The following PSD3 variants were observed in gnomAD, a reference collection of about 807,000 sequenced individuals.
PSD3 encodes PH and SEC7 domain-containing protein 3.
Under a neutral mutation model 105.5 loss-of-function variants are expected in PSD3, and 49 were observed. The observed-to-expected ratio is 0.46, with a 90% CI of 0.37 to 0.59. The LOEUF is 0.59. Among genes scored for constraint, PSD3 ranks in the 20% least tolerant of loss-of-function variants. The pLI, the probability that PSD3 is intolerant of heterozygous loss-of-function variation, is 0.00. For synonymous variants in PSD3, 557 were observed against 457.8 expected, an observed-to-expected ratio of 1.22 and a Z score of -2.77; for missense variants, 1,561 against 1,263.8, an observed-to-expected ratio of 1.24 and a Z score of -3.57.
chr8:18,972,085 A>T (rs568382620), intron 1 of PSD3, among the ~76,000 whole-genome samples: 36 of 152,230 alleles, frequency 2.4e-4, no homozygotes, highest in African/African-American at 7.7e-4. Context: ...GAAAGGTATG[A>T]CTCTTACTAA....
intron 12 of PSD3, among the ~76,000 whole-genome samples, chr8:18,583,346 T>C (rs1232412203): frequency 6.6e-6 from 1 of 152,080 alleles, no homozygotes; most frequent in Non-Finnish European, 1.5e-5. Flanking sequence ...GGAGGACTGC[T>C]TGATCCTGGT....
chr8:18,726,296 A>T (rs1803330327), intron 9 of PSD3, among the ~76,000 whole-genome samples: 1 of 152,274 alleles, frequency 6.6e-6, no homozygotes, highest in East Asian at 1.9e-4. Context: ...AGCCAGAGAC[A>T]TTAAGTTACT....
chr8:19,072,376 G>A lies in PSD3; in HGVS notation c.324+11830C>T, dbSNP rs573775017. Among the ~76,000 whole-genome samples, 56 of 152,166 alleles carry A rather than the reference G, an allele frequency of 3.7e-4. No individual in the cohort carries two copies. In the South Asian group the frequency reaches 0.011, roughly 29 times the overall value. ...TGCTGGGATTATAGGACTGAGCCAC[G>A]GAGCCCGGATGGTTTTCTGAACATT... is the stretch of plus-strand genomic sequence containing the variant. On this transcript the variant is annotated intron_variant, in intron 1 of 1. Transcript: ENST00000521475.
At chr8:18,560,902 G>A (rs7014716) in intron 14 of PSD3, among the ~76,000 whole-genome samples, 86,562 of 152,022 alleles carry the variant, frequency 0.57, 24,818 homozygotes, top group Admixed American at 0.65. Context: ...CTCATGAAGC[G>A]GTAAGTGTCT....
At chr8:18,616,655 G>T (rs1805702898) in intron 11 of PSD3, among the ~76,000 whole-genome samples, 1 of 120,408 alleles carries the variant, frequency 8.3e-6, no homozygotes, top group South Asian at 2.9e-4. Context: ...ACGGAGTCTC[G>T]CTCTGTCGCC....
At chr8:18,957,670 T>C (rs554104391) in intron 1 of PSD3, among the ~76,000 whole-genome samples, 4 of 152,354 alleles carry the variant, frequency 2.6e-5, no homozygotes, top group African/African-American at 7.2e-5. Flanking sequence ...CAGTACCTTA[T>C]GTCTGGGCAT....
chr8:18,867,196 G>C (rs1380562074), intron 4 of PSD3, among the ~76,000 whole-genome samples: 1 of 152,200 alleles, frequency 6.6e-6, no homozygotes, highest in Non-Finnish European at 1.5e-5. Flanking sequence ...CAGGAAGACA[G>C]AACAGGAACT....
rs1245490816 is a variant in PSD3, at chr8:18,527,971, A to T, written c.*7772T>A. ...GATTGGTGGAGAAAACTTTGAAGGT[A>T]AAGAAATGTTCCACAATGCCAATTA... On this transcript the variant is annotated 3_prime_UTR_variant, in exon 16 of 16. Transcript: ENST00000327040. 2 of 152,246 alleles carry T rather than the reference A, an allele frequency of 1.3e-5. No homozygotes were observed. Among genetic ancestry groups the T allele is most frequent in the African/African-American group, 4.8e-5 (2 of 41,470 alleles). 9.4% of individuals were successfully genotyped at this position (152,246 alleles called of 1,614,324 possible).
At chr8:18,915,982 G>C (rs1160094032) in intron 2 of PSD3, among the ~76,000 whole-genome samples, 1 of 151,938 alleles carries the variant, frequency 6.6e-6, no homozygotes. Context: ...TGTAATCCCA[G>C]CTACTCGGGA....
intron 11 of PSD3, among the ~76,000 whole-genome samples, chr8:18,619,052 G>GT (rs1805915173): frequency 6.6e-6 from 1 of 151,858 alleles, no homozygotes; most frequent in Admixed American, 6.6e-5. Flanking sequence ...AGCTCAAAGT[G>GT]TTTTTTAAAA....
At chr8:18,623,973 G>A (rs1217941251) in intron 11 of PSD3, among the ~76,000 whole-genome samples, 2 of 152,028 alleles carry the variant, frequency 1.3e-5, no homozygotes, top group East Asian at 1.9e-4. Context: ...ATGTTGATAC[G>A]TGGAACTCTA....
chr8:18,702,601 G>C (rs1421289604), intron 9 of PSD3, among the ~76,000 whole-genome samples: 1 of 151,830 alleles, frequency 6.6e-6, no homozygotes, highest in Non-Finnish European at 1.5e-5. Context: ...TCTAGCTATA[G>C]GTACTCTTTC....
chr8:18,955,557 C>A (rs116417764), intron 1 of PSD3, among the ~76,000 whole-genome samples: 1 of 152,118 alleles, frequency 6.6e-6, no homozygotes. Context: ...ACCTTCTACA[C>A]ATTTCTTTAC....
At chr8:18,869,362 T>C (rs1002491053) in intron 3 of PSD3, among the ~76,000 whole-genome samples, 1 of 152,042 alleles carries the variant, frequency 6.6e-6, no homozygotes, top group Non-Finnish European at 1.5e-5. Flanking sequence ...GCTAATTTTG[T>C]ATTTTTATTG....
intron 1 of PSD3, among the ~76,000 whole-genome samples, chr8:18,957,743 G>C (rs1436945461): frequency 1.3e-5 from 2 of 152,166 alleles, no homozygotes; most frequent in African/African-American, 4.8e-5. Context: ...GTTCTTATGA[G>C]GCTCTCTAGC....
chr8:18,636,371 ATG>A (rs1563406448), intron 10 of PSD3, among the ~76,000 whole-genome samples: 1 of 152,228 alleles, frequency 6.6e-6, no homozygotes, highest in Non-Finnish European at 1.5e-5. Context: ...CAGCTGTATA[ATG>A]TGTTTTAAGC....
At chr8:18,971,167 T>C (rs1824627518) in intron 1 of PSD3, among the ~76,000 whole-genome samples, 1 of 152,052 alleles carries the variant, frequency 6.6e-6, no homozygotes, top group Non-Finnish European at 1.5e-5. Context: ...AGATTACAAA[T>C]TAAAAACAAA....
At chr8:18,943,404 T>A (rs1822676369) in intron 1 of PSD3, among the ~76,000 whole-genome samples, 1 of 152,156 alleles carries the variant, frequency 6.6e-6, no homozygotes, top group Non-Finnish European at 1.5e-5. Flanking sequence ...GTAAAGAGAT[T>A]CTTCTTATAA....
At chr8:18,852,966 G>A (rs1406785503) in intron 4 of PSD3, among the ~76,000 whole-genome samples, 1 of 152,008 alleles carries the variant, frequency 6.6e-6, no homozygotes, top group Admixed American at 6.5e-5. Flanking sequence ...TTTCATACAC[G>A]AAGAAGCTGA....
Sources: allele counts gnomAD v4.1 joint callset (sites outside exome capture counted in the v4.1 genomes callset), GRCh38; gene constraint gnomAD v4.1.1; transcripts MANE v1.5; gene names NCBI Gene and HGNC (gene_info 2026-07-23, HGNC 2026-07-21).